Variants in OGT observed in about 807,000 individuals in gnomAD.
The protein encoded by OGT is UDP-N-acetylglucosamine--peptide N-acetylglucosaminyltransferase 110 kDa subunit.
OGT carries 3 observed loss-of-function variants against 75.8 expected under a neutral mutation model. The observed-to-expected ratio is 0.04, with a 90% confidence interval of 0.02 to 0.10. OGT has a LOEUF of 0.10. OGT is among the 10% of genes least tolerant of loss of function. OGT has a pLI of 1.00. For missense variants in OGT, 260 were observed against 824.4 expected (o/e 0.32, Z 8.38); for synonymous variants, 257 against 289.7 (o/e 0.89, Z 1.15).
At chrX:71,554,681 T>C in intron 6 of OGT, 89 bp downstream of exon 6, 1 of 698,466 alleles carries the variant, frequency 1.4e-6, no homozygotes, top group South Asian at 2.6e-5. Flanking sequence ...CAATAGTCCA[T>C]TGAAGCATAT....
intron 7 of OGT, 53 bp downstream of exon 7, chrX:71,555,438 C>T: frequency 9.2e-7 from 1 of 1,081,124 alleles, no homozygotes. Context: ...AGAGTCTTTT[C>T]TGGCCAGGTG....
At chrX:71,535,926 C>T (rs747319936) in intron 1 of OGT, among the ~76,000 whole-genome samples, 1 of 111,673 alleles carries the variant, frequency 9.0e-6, no homozygotes, top group African/African-American at 3.3e-5. Flanking sequence ...AAAATGTAAT[C>T]TCATATGGAA....
chrX:71,552,534 G>A (rs1401209799), intron 5 of OGT, among the ~76,000 whole-genome samples: 3 of 109,152 alleles, frequency 2.7e-5, no homozygotes, highest in African/African-American at 1.0e-4. Context: ...GACTACAGGC[G>A]TGCGCCATCA....
rs765918770 is a variant in OGT, at chrX:71,548,035, A to C, written c.648+12A>C. ...ATCACTTTGAAAAGGTTAGTCATTA[A>C]ATTAATAATTGGTATTTTTGAAGTG... is the stretch of plus-strand genomic sequence containing the variant. On this transcript the variant is annotated intron_variant, in intron 5 of 21. Coordinates refer to ENST00000373719, the MANE Select transcript of OGT (RefSeq NM_181672.3). 4 of 1,205,633 alleles carry C rather than the reference A, an allele frequency of 3.3e-6. No homozygotes were observed. The highest frequency in any genetic ancestry group is 4.5e-6 in the Non-Finnish European group (4 of 890,960).
At chrX:71,543,786 A>ATC (rs1256255783) in intron 3 of OGT, among the ~76,000 whole-genome samples, 2 of 94,503 alleles carry the variant, frequency 2.1e-5, no homozygotes, top group Admixed American at 2.3e-4. Context: ...ATATATATAT[A>ATC]TATATATTTC....
In OGT at chrX:71,555,915, A is replaced by G. The variant is rs774803272; in HGVS notation, c.925-39A>G. The G allele has an allele frequency of 4.7e-5, 56 of 1,201,218 alleles. 1 individual carries two copies. In the South Asian group the frequency reaches 9.1e-4, roughly 20 times the overall value. On this transcript the variant is annotated intron_variant, in intron 7 of 21. Transcript: ENST00000373719. ...GAACAGTATCAGTGGAGGCTTTATG[A>G]TTCTGTACAGTTTTTGAAGACTTTG...
chrX:71,566,394 C>T (rs2040416539), intron 19 of OGT, among the ~76,000 whole-genome samples: 1 of 111,766 alleles, frequency 8.9e-6, no homozygotes, highest in Non-Finnish European at 1.9e-5. Context: ...CACAGTTCCG[C>T]GTGGCTATGG....
chrX:71,550,375 T>G (rs1196301316), intron 5 of OGT, among the ~76,000 whole-genome samples: 1 of 111,352 alleles, frequency 9.0e-6, no homozygotes, highest in South Asian at 3.8e-4. Context: ...CATTTGTTTT[T>G]TTTGTTTTGT....
chrX:71,565,081 C>G (rs1041569971), intron 19 of OGT, among the ~76,000 whole-genome samples: 1 of 112,242 alleles, frequency 8.9e-6, no homozygotes, highest in East Asian at 2.8e-4. Flanking sequence ...ATCACTTGAA[C>G]CCGGGAGGTG....
At chrX:71,565,012 A>G (rs2040407210) in intron 19 of OGT, among the ~76,000 whole-genome samples, 1 of 111,108 alleles carries the variant, frequency 9.0e-6, no homozygotes, top group South Asian at 3.8e-4. Context: ...CCAAAAAATT[A>G]GCCGGACATG....
At position 71,562,910 on chromosome X, in the gene OGT, C is replaced by G. The variant is rs1043044352; in HGVS notation, c.2041C>G (p.Gln681Glu). 1 of 1,206,734 alleles carries G rather than the reference C, an allele frequency of 8.3e-7. No individual in the cohort carries two copies. Among genetic ancestry groups the G allele is most frequent in the Non-Finnish European group, 1.1e-6 (1 of 893,078 alleles). Residue 681 changes from glutamine (Q) to glutamate (E), a missense_variant, in exon 16 of 22, where the codon CAG becomes GAG. Gln to Glu is a conservative substitution (Grantham distance 29). This residue lies in a region of OGT where 99 missense variants were observed against 417.9 expected (regional missense o/e 0.24). Transcript: ENST00000373719. The stretch of plus-strand genomic sequence containing the variant: ...TTTCATGGATTATATTATCACTGAT[C>G]AGGAAACTTCGCCAGCTGAAGTTGC... ...ALFMDYIITD[Q>E]ETSPAEVAEQ...
intron 12 of OGT, among the ~76,000 whole-genome samples, chrX:71,558,450 T>A (rs769901600): frequency 5.5e-5 from 6 of 108,830 alleles, no homozygotes; most frequent in African/African-American, 2.0e-4. Context: ...AACCTCTGTC[T>A]CCCAGGTTAA....
intron 19 of OGT, among the ~76,000 whole-genome samples, chrX:71,566,138 T>A (rs962733701): frequency 6.3e-5 from 7 of 111,779 alleles, no homozygotes; most frequent in Non-Finnish European, 9.4e-5. Context: ...GTTTTATGTT[T>A]AGAGGAGAGG....
At chrX:71,536,975 T>TG in intron 2 of OGT, 1 of 199,298 alleles carries the variant, frequency 5.0e-6, no homozygotes, top group African/African-American at 3.5e-5. Flanking sequence ...TTTTTTTTTT[T>TG]TTTTTTTTTT....
chrX:71,549,177 T>A (rs2040283282), intron 5 of OGT, among the ~76,000 whole-genome samples: 1 of 106,237 alleles, frequency 9.4e-6, no homozygotes, highest in African/African-American at 3.4e-5. Context: ...GCTCCTGTAG[T>A]CCCAGCCATT....
intron 3 of OGT, among the ~76,000 whole-genome samples, chrX:71,542,945 G>A (rs1055170128): frequency 1.8e-5 from 2 of 111,746 alleles, no homozygotes; most frequent in South Asian, 3.7e-4. Flanking sequence ...AGCCTTTTGT[G>A]CTTGAAGTGA....
At chrX:71,562,723 C>A in intron 15 of OGT, 124 bp from the exon 16 acceptor site, 1 of 595,211 alleles carries the variant, frequency 1.7e-6, no homozygotes, top group Non-Finnish European at 2.4e-6. Context: ...TTTTAAAAAC[C>A]ACTTTATTGA....
chrX:71,536,135 G>T, intron 1 of OGT, 43 bp from the exon 2 acceptor site: 6 of 1,105,098 alleles, frequency 5.4e-6, no homozygotes, highest in East Asian at 3.2e-5. Flanking sequence ...CTAACTTTTT[G>T]TTTTCCCCCC....
intron 1 of OGT, among the ~76,000 whole-genome samples, chrX:71,534,879 T>A (rs767027848): frequency 8.9e-6 from 1 of 111,890 alleles, no homozygotes; most frequent in African/African-American, 3.3e-5. Flanking sequence ...CTCCCAGATG[T>A]GGATGCAAGT....
Sources: allele counts gnomAD v4.1 joint callset (sites outside exome capture counted in the v4.1 genomes callset), GRCh38; gene constraint gnomAD v4.1.1; regional missense constraint gnomAD v4.1.1; transcripts MANE v1.5; gene names NCBI Gene and HGNC (gene_info 2026-07-23, HGNC 2026-07-21).